LRRIQ3: variants seen among roughly 807,000 people sequenced by gnomAD.
The protein encoded by LRRIQ3 is leucine-rich repeat and IQ domain-containing protein 3.
In LRRIQ3, 75 loss-of-function variants were observed where a neutral mutation model predicts 59.3. That is an observed-to-expected ratio of 1.26 (90% confidence interval 1.05 to 1.53). The LOEUF is 1.53. Among genes scored for constraint, LRRIQ3 ranks in the 40% most tolerant of loss-of-function variants. The probability of loss-of-function intolerance (pLI) is 0.00; values close to 1 mark genes in which losing one functional copy is unlikely to be tolerated. For missense variants in LRRIQ3, 831 were observed against 710.0 expected (o/e 1.17, Z -1.94); for synonymous variants, 250 against 231.3 (o/e 1.08, Z -0.73).
chr1:74,090,245 T>A lies in LRRIQ3; in HGVS notation c.868-15455A>T, dbSNP rs558271201. On this transcript the variant is annotated intron_variant, in intron 5 of 7. Coordinates refer to ENST00000354431, the MANE Select transcript of LRRIQ3 (RefSeq NM_001105659.2). Reference sequence around the variant, plus strand: ...TGTCTTTGGGGATCCAAATATAAATTATTTGATGGCATCTACAGAATTATA... The same window carrying A: ...TGTCTTTGGGGATCCAAATATAAATAATTTGATGGCATCTACAGAATTATA... 1.3e-3 allele frequency among the ~76,000 whole-genome samples: 198 copies of A among 152,006 alleles called. 2 individuals are homozygous for A. The highest frequency in any genetic ancestry group is 2.4e-3 in the Non-Finnish European group (164 of 67,986).
In LRRIQ3 at chr1:74,074,652, A is replaced by G; in HGVS notation, c.997+9T>C. The G allele has an allele frequency of 8.0e-7, 1 of 1,257,388 alleles. No individual in the cohort carries two copies. The allele number at this position is 1,257,388 out of a possible 1,614,324, so 77.9% of individuals were successfully genotyped here. ...TTATTAAATATAATTAAAAATTCAT[A>G]TAACTAACCTTTTTGAATGAGATGT... On this transcript the variant is annotated intron_variant, in intron 6 of 7. Coordinates refer to ENST00000354431, the MANE Select transcript of LRRIQ3 (RefSeq NM_001105659.2).
chr1:74,131,299 A>G (rs1647015519), intron 4 of LRRIQ3, among the ~76,000 whole-genome samples: 1 of 152,178 alleles, frequency 6.6e-6, no homozygotes, highest in Non-Finnish European at 1.5e-5. Flanking sequence ...TAGACGTACA[A>G]GGAGGAGCTG....
intron 5 of LRRIQ3, among the ~76,000 whole-genome samples, chr1:74,076,051 C>T (rs984266304): frequency 6.6e-6 from 1 of 152,088 alleles, no homozygotes; most frequent in African/African-American, 2.4e-5. Flanking sequence ...AGGTGTTTTG[C>T]TGCCTGGAAT....
At chr1:74,095,655 T>C (rs1646440654) in intron 5 of LRRIQ3, among the ~76,000 whole-genome samples, 1 of 152,100 alleles carries the variant, frequency 6.6e-6, no homozygotes, top group African/African-American at 2.4e-5. Flanking sequence ...GTATATTCAA[T>C]ATTGGATACT....
intron 3 of LRRIQ3, among the ~76,000 whole-genome samples, chr1:74,170,833 CTACTT>C (rs1322322017): frequency 6.6e-6 from 1 of 152,034 alleles, no homozygotes; most frequent in African/African-American, 2.4e-5. Context: ...TTATTTATGT[CTACTT>C]TAGTTTTTCC....
chr1:74,126,887 G>T (rs1332323056), intron 4 of LRRIQ3, among the ~76,000 whole-genome samples: 1 of 151,886 alleles, frequency 6.6e-6, no homozygotes, highest in African/African-American at 2.4e-5. Context: ...TGTAGTCTAA[G>T]TCCAGTGTTT....
At chr1:74,178,276 A>T (rs1649765706) in intron 3 of LRRIQ3, among the ~76,000 whole-genome samples, 1 of 152,002 alleles carries the variant, frequency 6.6e-6, no homozygotes, top group African/African-American at 2.4e-5. Flanking sequence ...TTCAGGTAAC[A>T]TCCATAAATG....
rs1274702542 is a variant in LRRIQ3, at chr1:74,198,156, A to C, written c.-161T>G. 6.6e-7 allele frequency: 1 copy of C among 1,507,066 alleles called. No individual in the cohort carries two copies. The highest frequency in any genetic ancestry group is 8.8e-7 in the Non-Finnish European group (1 of 1,130,980). 93.4% of individuals were successfully genotyped at this position (1,507,066 alleles called of 1,614,324 possible). ...ATCATGGTTTTCCGGGCGCCAGCCA[A>C]GGCGCTCCGGGGGCGTGGTTACGTG... is the stretch of plus-strand genomic sequence containing the variant. On this transcript the variant is annotated 5_prime_UTR_variant, in exon 1 of 8. Transcript: ENST00000354431.
intron 6 of LRRIQ3, among the ~76,000 whole-genome samples, chr1:74,045,310 T>C (rs1216684159): frequency 2.0e-5 from 3 of 152,098 alleles, no homozygotes; most frequent in African/African-American, 7.2e-5. Context: ...GTTCAACATA[T>C]GCAAATCAAT....
chr1:74,155,909 A>G, intron 3 of LRRIQ3, 43 bp from the exon 4 acceptor site: 1 of 1,057,980 alleles, frequency 9.5e-7, no homozygotes, highest in Non-Finnish European at 1.3e-6. Context: ...TCTTTCATGA[A>G]AGTATTTTCA....
chr1:74,122,478 G>C (rs959554081), intron 4 of LRRIQ3, among the ~76,000 whole-genome samples: 1 of 152,018 alleles, frequency 6.6e-6, no homozygotes, highest in East Asian at 1.9e-4. Flanking sequence ...TACCAAAACA[G>C]AGATATAGAC....
chr1:74,154,617 G>GAA (rs1648209384), intron 4 of LRRIQ3, among the ~76,000 whole-genome samples: 1 of 151,914 alleles, frequency 6.6e-6, no homozygotes, highest in African/African-American at 2.4e-5. Flanking sequence ...TTCTACCAGA[G>GAA]AAAAAAATCC....
At position 74,198,143 on chromosome 1, in the gene LRRIQ3, C is replaced by A; in HGVS notation, c.-148G>T. The A allele has an allele frequency of 2.0e-6, 3 of 1,483,666 alleles. No individual in the cohort carries two copies. The highest frequency in any genetic ancestry group is 2.7e-6 in the Non-Finnish European group (3 of 1,119,154). The allele number at this position is 1,483,666 out of a possible 1,614,324, so 91.9% of individuals were successfully genotyped here. ...CCAAGTTCTCCACATCATGGTTTTC[C>A]GGGCGCCAGCCAAGGCGCTCCGGGG... On this transcript the variant is annotated 5_prime_UTR_variant, in exon 1 of 8. Transcript: ENST00000354431.
chr1:74,125,601 A>G (rs1356803960), intron 4 of LRRIQ3, among the ~76,000 whole-genome samples: 2 of 151,840 alleles, frequency 1.3e-5, no homozygotes, highest in East Asian at 3.9e-4. Context: ...AGTATCAATT[A>G]AAATAATTAT....
intron 7 of LRRIQ3, among the ~76,000 whole-genome samples, chr1:74,036,975 T>A (rs1306585437): frequency 2.0e-5 from 3 of 152,260 alleles, no homozygotes; most frequent in Non-Finnish European, 4.4e-5. Context: ...ATTATCTTCA[T>A]TGTAAAAGCA....
chr1:74,084,207 T>A (rs753766327), intron 5 of LRRIQ3: 7 of 1,546,972 alleles, frequency 4.5e-6, no homozygotes, highest in South Asian at 3.6e-5. Flanking sequence ...ACCCATAATT[T>A]TTTTTTATCC....
At chr1:74,080,622 A>G (rs985754597) in intron 5 of LRRIQ3, among the ~76,000 whole-genome samples, 14 of 151,668 alleles carry the variant, frequency 9.2e-5, no homozygotes, top group African/African-American at 3.4e-4. Flanking sequence ...GCTCTAAAAA[A>G]TTGTAATTTT....
chr1:74,168,303 A>C (rs1649117002), intron 3 of LRRIQ3, among the ~76,000 whole-genome samples: 1 of 151,992 alleles, frequency 6.6e-6, no homozygotes, highest in South Asian at 2.1e-4. Context: ...ATGCCTTATT[A>C]GTAGATTGAA....
intron 4 of LRRIQ3, among the ~76,000 whole-genome samples, chr1:74,135,769 C>T (rs2100622863): frequency 6.6e-6 from 1 of 151,886 alleles, no homozygotes; most frequent in Middle Eastern, 3.4e-3. Context: ...CTGTAAATGC[C>T]TATATCAGAA....
Sources: gnomAD v4.1 joint callset for allele counts (sites outside exome capture counted in the v4.1 genomes callset) on GRCh38, gnomAD v4.1.1 for gene constraint, MANE v1.5 for transcripts, NCBI Gene and HGNC (gene_info 2026-07-23, HGNC 2026-07-21) for gene names.